MRRF: variants seen among roughly 807,000 people sequenced by gnomAD.
The protein encoded by MRRF is mitochondrial ribosome recycling factor, also known as ribosome-recycling factor, mitochondrial.
In MRRF, 18 loss-of-function variants were observed where a neutral mutation model predicts 25.1. That is an observed-to-expected ratio of 0.72 (90% CI 0.50 to 1.06). The LOEUF (loss-of-function observed/expected upper bound fraction) is 1.06, where lower values mean the gene tolerates loss of function less well. Ranked by LOEUF, MRRF falls within the 50% of genes least tolerant of loss-of-function variation. MRRF has a pLI of 0.00. For missense variants in MRRF, 323 were observed against 319.3 expected, an observed-to-expected ratio of 1.01 and a Z score of -0.09; for synonymous variants, 113 against 112.1, an observed-to-expected ratio of 1.01 and a Z score of -0.05.
At position 122,322,922 on chromosome 9, in the gene MRRF, C is replaced by T. The variant is rs1314723670; in HGVS notation, c.*305C>T. The T allele has an allele frequency of 4.1e-6, 2 of 492,682 alleles. No homozygotes were observed. The highest frequency in any genetic ancestry group is 7.4e-6 in the Non-Finnish European group (2 of 269,702). 30.5% of individuals were successfully genotyped at this position (492,682 alleles called of 1,614,324 possible). ...AGGCCATTGGCAGGCTTAGTACCAC[C>T]TGCTCCTCATCTTAGGAGTCTCCTT... On this transcript the variant is annotated 3_prime_UTR_variant, in exon 7 of 7. Transcript: ENST00000344641.
At chr9:122,316,340 T>C (rs1835518464) in intron 6 of MRRF, among the ~76,000 whole-genome samples, 1 of 152,106 alleles carries the variant, frequency 6.6e-6, no homozygotes, top group South Asian at 2.1e-4. Flanking sequence ...CATGCCCTGC[T>C]AATTTTTTTA....
rs1836179827 is a variant in MRRF at position 122,327,787 on chromosome 9, C to T, written c.*5170C>T. 1 of 151,862 alleles carries T rather than the reference C, an allele frequency of 6.6e-6. No individual in the cohort carries two copies. Among genetic ancestry groups the T allele is most frequent in the Non-Finnish European group, 1.5e-5 (1 of 67,970 alleles). 9.4% of individuals were successfully genotyped at this position (151,862 alleles called of 1,614,324 possible). ...TTTATCTTGTTGTATATCAGGATTA[C>T]AGCTCTTGCTTGCTTTTTGTTTACA... On this transcript the variant is annotated 3_prime_UTR_variant, in exon 7 of 7. Transcript: ENST00000344641.
chr9:122,265,468 C>G (rs564579723), intron 1 of MRRF: 4 of 323,926 alleles, frequency 1.2e-5, no homozygotes, highest in South Asian at 9.8e-5. Flanking sequence ...ACAGATGAGA[C>G]GGAAGTCCTG....
chr9:122,285,978 G>A (rs1833380260), intron 4 of MRRF: 6 of 1,304,002 alleles, frequency 4.6e-6, no homozygotes. Context: ...CATCTTTGAA[G>A]CTTTATGATT....
At chr9:122,305,021 C>T (rs534491805) in intron 5 of MRRF, among the ~76,000 whole-genome samples, 1 of 152,052 alleles carries the variant, frequency 6.6e-6, no homozygotes, top group African/African-American at 2.4e-5. Flanking sequence ...TAGCTCACTG[C>T]CACTTCGAAT....
chr9:122,313,645 T>A (rs570972563), intron 6 of MRRF, among the ~76,000 whole-genome samples: 15 of 152,172 alleles, frequency 9.9e-5, no homozygotes, highest in African/African-American at 3.6e-4. Flanking sequence ...ACTACAAAAC[T>A]ATGAGGTAGG....
At chr9:122,286,788 G>A (rs544706920) in intron 4 of MRRF, among the ~76,000 whole-genome samples, 1 of 152,246 alleles carries the variant, frequency 6.6e-6, no homozygotes, top group Admixed American at 6.5e-5. Context: ...GCCTTTATTG[G>A]TGGCTTCTAG....
chr9:122,325,629 CTG>C lies in MRRF; in HGVS notation c.*3013_*3014del, dbSNP rs1367698178. 7 of 119,358 alleles carry C rather than the reference CTG, an allele frequency of 5.9e-5. No homozygotes were observed. Among genetic ancestry groups the C allele is most frequent in the African/African-American group, 2.3e-4 (7 of 30,468 alleles). 7.4% of individuals were successfully genotyped at this position (119,358 alleles called of 1,614,324 possible). On this transcript the variant is annotated 3_prime_UTR_variant, in exon 7 of 7. Transcript: ENST00000344641. ...GAGAATTTGAGAATTTTTTTCCTGT[CTG>C]GTGTGTGTGTGTGTGTGTGTGTGTG...
chr9:122,277,232 C>A (rs1334772402), intron 2 of MRRF, among the ~76,000 whole-genome samples: 2 of 152,140 alleles, frequency 1.3e-5, no homozygotes, highest in African/African-American at 2.4e-5. Flanking sequence ...TGTTATATAT[C>A]TTTCTGGTGA....
intron 5 of MRRF, among the ~76,000 whole-genome samples, chr9:122,296,966 TC>T (rs527511262): frequency 5.6e-4 from 86 of 152,316 alleles, no homozygotes; most frequent in African/African-American, 1.9e-3. Flanking sequence ...TTGATTGTCT[TC>T]CGATTCCTTC....
chr9:122,309,123 G>A (rs1393038306), intron 5 of MRRF, among the ~76,000 whole-genome samples: 6 of 152,118 alleles, frequency 3.9e-5, no homozygotes, highest in Non-Finnish European at 8.8e-5. Flanking sequence ...CTTCATGTAA[G>A]TGGAATCATA....
chr9:122,271,226 G>A lies in MRRF; in HGVS notation c.184+151G>A, dbSNP rs986585279. 16 of 752,154 alleles carry A rather than the reference G, an allele frequency of 2.1e-5. No individual in the cohort carries two copies. The East Asian group carries it at 3.4e-4, about 16-fold the overall frequency. The allele number at this position is 752,154 out of a possible 1,614,324, so 46.6% of individuals were successfully genotyped here. ...GCTATTTCATTGGATTAGCTTAAAAGGTTACAGTGGCAGAGATGGTGTTAT... is the reference window on the plus strand; with the variant it reads ...GCTATTTCATTGGATTAGCTTAAAAAGTTACAGTGGCAGAGATGGTGTTAT... On this transcript the variant is annotated intron_variant, in intron 2 of 6. Transcript: ENST00000344641.
Position 122,325,392 on chromosome 9 carries a change from T to C in MRRF, c.*2775T>C, listed in dbSNP as rs1836102911. On this transcript the variant is annotated 3_prime_UTR_variant, in exon 7 of 7. Coordinates refer to ENST00000344641, the MANE Select transcript of MRRF (RefSeq NM_138777.5). ...TTTCTCTGTGACTCTGTGTCAGGGC[T>C]GTAGTGGTGACAGGGACAAGAATGA... The C allele has an allele frequency of 6.6e-6, 1 of 152,238 alleles. No homozygotes were observed. Among genetic ancestry groups the C allele is most frequent in the African/African-American group, 2.4e-5 (1 of 41,454 alleles). The allele number at this position is 152,238 out of a possible 1,614,324, so 9.4% of individuals were successfully genotyped here.
intron 5 of MRRF, among the ~76,000 whole-genome samples, chr9:122,300,593 A>T (rs1185455386): frequency 6.6e-6 from 1 of 152,138 alleles, no homozygotes; most frequent in African/African-American, 2.4e-5. Context: ...TTTCCTGATT[A>T]TTTGGGAGTA....
intron 5 of MRRF, among the ~76,000 whole-genome samples, chr9:122,295,413 G>A (rs1834024047): frequency 6.6e-6 from 1 of 151,466 alleles, no homozygotes. Context: ...GAGGGGTAGG[G>A]GAAATAGGAA....
chr9:122,277,700 G>A (rs768837857), intron 2 of MRRF, among the ~76,000 whole-genome samples: 2 of 152,010 alleles, frequency 1.3e-5, no homozygotes, highest in Non-Finnish European at 2.9e-5. Flanking sequence ...ACAGGCATAC[G>A]CCACCATGCC....
intron 1 of MRRF, chr9:122,265,510 G>C (rs1386454293): frequency 1.2e-5 from 4 of 345,234 alleles, no homozygotes; most frequent in Middle Eastern, 2.1e-3. Flanking sequence ...CACGTGCCTA[G>C]GAAGTGCTGG....
intron 4 of MRRF, among the ~76,000 whole-genome samples, chr9:122,291,440 A>G (rs1453262729): frequency 6.6e-6 from 1 of 152,170 alleles, no homozygotes; most frequent in African/African-American, 2.4e-5. Context: ...CCCTCCCTTG[A>G]GGATTTATTG....
rs1347364917 is a variant in MRRF, at chr9:122,280,462, C to G, written c.204C>G (p.Ser68=). The change falls in exon 3 of 7, where the codon TCC becomes TCG. Residue 68 remains serine (S), a synonymous_variant. Coordinates refer to ENST00000344641, the MANE Select transcript of MRRF (RefSeq NM_138777.5). ...KKAKAKGKGQ[S]QTRVNINAAL... is the part of the protein sequence containing the mutation. ...TTTTAGCCAAAGGGAAAGGACAGTC[C>G]CAAACCAGAGTGAATATTAATGCTG... The G allele has an allele frequency of 6.2e-7, 1 of 1,614,012 alleles. No homozygotes were observed. The highest frequency in any genetic ancestry group is 1.7e-5 in the Admixed American group (1 of 60,010).
Sources: gnomAD v4.1 joint callset for allele counts (sites outside exome capture counted in the v4.1 genomes callset) on GRCh38, gnomAD v4.1.1 for gene constraint, MANE v1.5 for transcripts, NCBI Gene and HGNC (gene_info 2026-07-23, HGNC 2026-07-21) for gene names.